The following ZMYND12 variants were observed in gnomAD, a reference collection of about 807,000 sequenced individuals.
ZMYND12 encodes the protein zinc finger MYND domain-containing protein 12.
Under a neutral mutation model 41.7 loss-of-function variants are expected in ZMYND12, and 32 were observed. The observed-to-expected ratio is 0.77, with a 90% confidence interval of 0.58 to 1.03. ZMYND12 has a LOEUF of 1.03. Among genes scored for constraint, ZMYND12 ranks in the 50% least tolerant of loss-of-function variants. The pLI is 0.00. For missense variants in ZMYND12, 424 were observed against 438.5 expected (o/e 0.97, Z 0.30); for synonymous variants, 148 against 164.8 (o/e 0.90, Z 0.78).
At chr1:42,438,370 C>T (rs1411252413) in intron 4 of ZMYND12, among the ~76,000 whole-genome samples, 1 of 152,144 alleles carries the variant, frequency 6.6e-6, no homozygotes, top group African/African-American at 2.4e-5. Flanking sequence ...ACACCAGGGA[C>T]TACCAACAGC....
chr1:42,436,382 C>CT lies in ZMYND12; in HGVS notation c.717+38dup, dbSNP rs755291703. The CT allele has an allele frequency of 5.0e-6, 8 of 1,610,300 alleles. No homozygotes were observed. The African/African-American group carries it at 8.0e-5, about 16-fold the overall frequency. ...TAATACAAGTTGTAAGACACCAAGC[C>CT]TAAGAGTGAAGGCTCAGCTCCCACA... On this transcript the variant is annotated intron_variant, in intron 5 of 7. Coordinates refer to ENST00000372565, the MANE Select transcript of ZMYND12 (RefSeq NM_032257.5).
chr1:42,440,124 T>C, intron 3 of ZMYND12, 99 bp from the exon 4 acceptor site: 1 of 1,289,916 alleles, frequency 7.8e-7, no homozygotes, highest in Non-Finnish European at 1.0e-6. Context: ...ATTCATTGAC[T>C]CAAGTATTTA....
Position 42,456,017 on chromosome 1 carries a change from G to C in ZMYND12, c.-20C>G. The C allele has an allele frequency of 1.3e-6, 2 of 1,583,910 alleles. No homozygotes were observed. Among genetic ancestry groups the C allele is most frequent in the Non-Finnish European group, 1.7e-6 (2 of 1,157,496 alleles). ...ATTCATGGTGCAGCCAGCAGTGCTG[G>C]TCTCTAAGACGGTTGCCCAGCAAGG... On this transcript the variant is annotated 5_prime_UTR_variant, in exon 1 of 8. Transcript: ENST00000372565.
intron 1 of ZMYND12, among the ~76,000 whole-genome samples, chr1:42,455,678 C>G (rs1277278069): frequency 2.0e-5 from 3 of 152,220 alleles, no homozygotes; most frequent in African/African-American, 7.2e-5. Context: ...GTGCATAACA[C>G]AGAGTACGCC....
chr1:42,435,188 A>G, intron 6 of ZMYND12, 86 bp downstream of exon 6: 1 of 1,025,872 alleles, frequency 9.7e-7, no homozygotes, highest in Non-Finnish European at 1.5e-6. Context: ...CATGACAGGG[A>G]CAGCTGCTTT....
chr1:42,430,905 T>A (rs371049159), intron 7 of ZMYND12, 47 bp from the exon 8 acceptor site: 185 of 1,609,592 alleles, frequency 1.1e-4, no homozygotes, highest in Non-Finnish European at 1.5e-4. Context: ...CAGGAAAGCA[T>A]AACACTGGGA....
intron 1 of ZMYND12, among the ~76,000 whole-genome samples, chr1:42,455,608 G>A (rs1371849477): frequency 1.3e-5 from 2 of 152,232 alleles, no homozygotes; most frequent in African/African-American, 4.8e-5. Flanking sequence ...ACATTGGAAT[G>A]TTAGATCTTT....
At chr1:42,455,847 G>T (rs971260940) in intron 1 of ZMYND12, 41 bp downstream of exon 1, 1 of 1,469,972 alleles carries the variant, frequency 6.8e-7, no homozygotes, top group East Asian at 2.3e-5. Context: ...GGGAGAGAGG[G>T]AGGGAGTTAT....
intron 7 of ZMYND12, among the ~76,000 whole-genome samples, chr1:42,432,223 TC>T (rs575459585): frequency 8.7e-4 from 132 of 151,778 alleles, no homozygotes; most frequent in South Asian, 6.9e-3. Context: ...GCCCGGCTGA[TC>T]TTTTTATTTT....
At chr1:42,436,322 C>T in intron 5 of ZMYND12, 99 bp downstream of exon 5, 1 of 1,536,742 alleles carries the variant, frequency 6.5e-7, no homozygotes, top group Non-Finnish European at 8.9e-7. Context: ...CTGTGCCTCT[C>T]TTTCTCATGA....
chr1:42,447,070 G>A (rs967496353), intron 3 of ZMYND12, among the ~76,000 whole-genome samples: 4 of 152,094 alleles, frequency 2.6e-5, no homozygotes, highest in African/African-American at 9.7e-5. Context: ...ATGAGGAATG[G>A]GATATTTATA....
rs1642896824 is a variant in ZMYND12, at chr1:42,435,485, A to G, written c.718-100T>C. 3 of 879,624 alleles carry G rather than the reference A, an allele frequency of 3.4e-6. No individual in the cohort carries two copies. In the South Asian group the frequency reaches 4.3e-5, roughly 13 times the overall value. The allele number at this position is 879,624 out of a possible 1,614,324, so 54.5% of individuals were successfully genotyped here. ...GCGCATTTGGCCGGGCTTCTGGACAACCTGGAGGTTCTCTCTCTTACTGTG... is the reference window on the plus strand; with the variant it reads ...GCGCATTTGGCCGGGCTTCTGGACAGCCTGGAGGTTCTCTCTCTTACTGTG... On this transcript the variant is annotated intron_variant, in intron 5 of 7. Coordinates refer to ENST00000372565, the MANE Select transcript of ZMYND12 (RefSeq NM_032257.5).
Position 42,430,479 on chromosome 1 carries a change from TACTC to T in ZMYND12, c.*253_*256del, listed in dbSNP as rs1217117909. 14 of 414,176 alleles carry T rather than the reference TACTC, an allele frequency of 3.4e-5. No homozygotes were observed. Among genetic ancestry groups the T allele is most frequent in the Middle Eastern group, 6.8e-4 (1 of 1,480 alleles). The allele number at this position is 414,176 out of a possible 1,614,324, so 25.7% of individuals were successfully genotyped here. On this transcript the variant is annotated 3_prime_UTR_variant, in exon 8 of 8. Transcript: ENST00000372565. ...CCATATTAGTGATCTGACTACATATTACTCAGTCATACAAAGTCATGATAAATCA... is the reference window on the plus strand; with the variant it reads ...CCATATTAGTGATCTGACTACATATTAGTCATACAAAGTCATGATAAATCA...
chr1:42,436,314 G>C, intron 5 of ZMYND12, 107 bp downstream of exon 5: 1 of 1,503,992 alleles, frequency 6.6e-7, no homozygotes, highest in Non-Finnish European at 9.1e-7. Flanking sequence ...TCATCTCTCT[G>C]TGCCTCTCTT....
intron 1 of ZMYND12, among the ~76,000 whole-genome samples, chr1:42,451,063 G>A (rs1376612909): frequency 6.6e-6 from 1 of 152,166 alleles, no homozygotes; most frequent in Non-Finnish European, 1.5e-5. Context: ...GTTATTGAAT[G>A]GTGTTCTACA....
chr1:42,450,028 T>C lies in ZMYND12; in HGVS notation c.142A>G (p.Ser48Gly). The C allele has an allele frequency of 6.2e-7, 1 of 1,613,978 alleles. No individual in the cohort carries two copies. Among genetic ancestry groups the C allele is most frequent in the Non-Finnish European group, 8.5e-7 (1 of 1,180,030 alleles). Residue 48 changes from serine (S) to glycine (G), a missense_variant, in exon 2 of 8, where the codon AGC becomes GGC. Coordinates refer to ENST00000372565, the MANE Select transcript of ZMYND12 (RefSeq NM_032257.5). ...AGCTGACATATTTTCTCATGGATGC[T>C]GTCCCAGTCAGCCTTCTGATGTACC... ...GVVHQKADWDSIHEKICQLLI... is the reference protein window; with the variant it reads ...GVVHQKADWDGIHEKICQLLI...
intron 3 of ZMYND12, among the ~76,000 whole-genome samples, chr1:42,445,353 T>C (rs1343767651): frequency 6.7e-6 from 1 of 149,336 alleles, no homozygotes; most frequent in Non-Finnish European, 1.5e-5. Context: ...GAATCACTTG[T>C]CCCTGGGAGG....
chr1:42,449,102 T>C (rs1570355611), intron 2 of ZMYND12, among the ~76,000 whole-genome samples: 1 of 152,314 alleles, frequency 6.6e-6, no homozygotes, highest in Middle Eastern at 3.4e-3. Flanking sequence ...CTAAGGCCAC[T>C]ATCAAAGTGT....
intron 1 of ZMYND12, among the ~76,000 whole-genome samples, chr1:42,455,332 G>C (rs530887261): frequency 6.6e-6 from 1 of 152,318 alleles, no homozygotes; most frequent in African/African-American, 2.4e-5. Flanking sequence ...GAGTGCAGTG[G>C]CGCGATCTCC....
Sources: allele counts gnomAD v4.1 joint callset (sites outside exome capture counted in the v4.1 genomes callset), GRCh38; gene constraint gnomAD v4.1.1; transcripts MANE v1.5; gene names NCBI Gene and HGNC (gene_info 2026-07-23, HGNC 2026-07-21).